PEX26: variants seen among roughly 807,000 people sequenced by gnomAD.
PEX26 encodes the protein peroxisomal biogenesis factor 26.
A neutral mutation model predicts 31.4 loss-of-function variants in PEX26; 18 were observed. That is an observed-to-expected ratio of 0.57 (90% CI 0.40 to 0.85). PEX26 has a LOEUF of 0.85. PEX26 is among the 40% of genes least tolerant of loss of function. The pLI, the probability that PEX26 is intolerant of heterozygous loss-of-function variation, is 0.00. For missense variants in PEX26, 377 were observed against 383.9 expected (o/e 0.98, Z 0.15); for synonymous variants, 176 against 166.9 (o/e 1.05, Z -0.42).
At position 18,078,167 on chromosome 22, in the gene PEX26, A is replaced by G; in HGVS notation, c.-210A>G. On this transcript the variant is annotated 5_prime_UTR_variant, in exon 1 of 5. The change abolishes the stop of an existing upstream ORF in the 5' untranslated region. Coordinates refer to ENST00000399744, the MANE Select transcript of PEX26 (RefSeq NM_001127649.3). ...CAAGAATCCTGCAAATCTGACGTGT[A>G]AACTGCTTCCCCAGCCTCCAGGCGA... 2.9e-6 allele frequency: 2 copies of G among 695,790 alleles called. No individual in the cohort carries two copies. The highest frequency in any genetic ancestry group is 5.3e-6 in the Non-Finnish European group (2 of 380,892). The allele number at this position is 695,790 out of a possible 1,614,324, so 43.1% of individuals were successfully genotyped here.
intron 2 of PEX26, among the ~76,000 whole-genome samples, chr22:18,081,156 TA>T (rs1267726577): frequency 0.02 from 2 of 102 alleles, no homozygotes; most frequent in African/African-American, 0.025. Flanking sequence ...TTCCATTATA[TA>T]TATATATATA....
chr22:18,104,197 A>G lies in PEX26; in HGVS notation c.*16122A>G, dbSNP rs1199713591. The G allele has an allele frequency of 2.6e-5, 4 of 152,130 alleles. No homozygotes were observed. Among genetic ancestry groups the G allele is most frequent in the Admixed American group, 2.6e-4 (4 of 15,238 alleles). 9.4% of individuals were successfully genotyped at this position (152,130 alleles called of 1,614,324 possible). ...CTTCATCTTTCCTAGTCTATCCCAC[A>G]CAGACCTTTAGGTGCTCTTTTTTTT... On this transcript the variant is annotated 3_prime_UTR_variant, in exon 5 of 5. Transcript: ENST00000399744.
In PEX26 at chr22:18,089,995, C is replaced by T. The variant is rs948443552; in HGVS notation, c.*1920C>T. ...GGGATTACAGGTGTGAGCCATCGCG[C>T]CCGGCCAACTTTTCTTTAGAAAAAT... is the stretch of plus-strand genomic sequence containing the variant. On this transcript the variant is annotated 3_prime_UTR_variant, in exon 5 of 5. Coordinates refer to ENST00000399744, the MANE Select transcript of PEX26 (RefSeq NM_001127649.3). 11 of 152,194 alleles carry T rather than the reference C, an allele frequency of 7.2e-5. No homozygotes were observed. Among genetic ancestry groups the T allele is most frequent in the Admixed American group, 6.5e-4 (10 of 15,272 alleles). 9.4% of individuals were successfully genotyped at this position (152,194 alleles called of 1,614,324 possible). A position where few individuals can be genotyped will look rare whatever the true frequency, so the allele number is the denominator to read the frequency against.
chr22:18,097,229 A>G lies in PEX26; in HGVS notation c.*9154A>G, dbSNP rs1016402047. 4 of 150,272 alleles carry G rather than the reference A, an allele frequency of 2.7e-5. No individual in the cohort carries two copies. Among genetic ancestry groups the G allele is most frequent in the Admixed American group, 1.3e-4 (2 of 15,074 alleles). The allele number at this position is 150,272 out of a possible 1,614,324, so 9.3% of individuals were successfully genotyped here. A position where few individuals can be genotyped will look rare whatever the true frequency, so the allele number is the denominator to read the frequency against. On this transcript the variant is annotated 3_prime_UTR_variant, in exon 5 of 5. Coordinates refer to ENST00000399744, the MANE Select transcript of PEX26 (RefSeq NM_001127649.3). ...TCCCATCTCTTCATTTAGCAAGTTC[A>G]CCTACCCCAATGGCAGCTATGGCCG...
At chr22:18,084,284 G>A (rs553040033) in intron 3 of PEX26, among the ~76,000 whole-genome samples, 64 of 132,348 alleles carry the variant, frequency 4.8e-4, no homozygotes, top group African/African-American at 1.7e-3. Context: ...TCGCTCTGTC[G>A]CCCAAGCGGG....
chr22:18,078,109 C>T lies in PEX26; in HGVS notation c.-268C>T, dbSNP rs938391960. 3.2e-6 allele frequency: 2 copies of T among 628,846 alleles called. No homozygotes were observed. Among genetic ancestry groups the T allele is most frequent in the Non-Finnish European group, 5.9e-6 (2 of 338,538 alleles). 39.0% of individuals were successfully genotyped at this position (628,846 alleles called of 1,614,324 possible). On this transcript the variant is annotated 5_prime_UTR_variant, in exon 1 of 5. Transcript: ENST00000399744. ...GGCAGTTCCTGCACGTGTCGCGGGGCCGGAGAAGCTAGGGCCAGGTATTCC... is the reference window on the plus strand; with the variant it reads ...GGCAGTTCCTGCACGTGTCGCGGGGTCGGAGAAGCTAGGGCCAGGTATTCC...
chr22:18,082,469 TC>T (rs1045068896), intron 2 of PEX26, among the ~76,000 whole-genome samples: 1 of 152,224 alleles, frequency 6.6e-6, no homozygotes, highest in Non-Finnish European at 1.5e-5. Flanking sequence ...GACTGTCTTT[TC>T]CCCTGTGTGT....
At position 18,089,965 on chromosome 22, in the gene PEX26, G is replaced by A. The variant is rs1303004655; in HGVS notation, c.*1890G>A. On this transcript the variant is annotated 3_prime_UTR_variant, in exon 5 of 5. Coordinates refer to ENST00000399744, the MANE Select transcript of PEX26 (RefSeq NM_001127649.3). ...GATCCACCCACCTAGGCCTCCCAAA[G>A]TGCTGGGATTACAGGTGTGAGCCAT... The A allele has an allele frequency of 6.6e-6, 1 of 152,206 alleles. No individual in the cohort carries two copies. Among genetic ancestry groups the A allele is most frequent in the Non-Finnish European group, 1.5e-5 (1 of 68,070 alleles). The allele number at this position is 152,206 out of a possible 1,614,324, so 9.4% of individuals were successfully genotyped here.
rs920093160 is a variant in PEX26, at chr22:18,087,843, C to A, written c.815-129C>A. On this transcript the variant is annotated intron_variant, in intron 4 of 4. Transcript: ENST00000399744. ...TCTAGCCTAGGTGACAGAGCGAGACCCTGTCTCTAAAAAAAACAAAACAAA... is the reference window on the plus strand; with the variant it reads ...TCTAGCCTAGGTGACAGAGCGAGACACTGTCTCTAAAAAAAACAAAACAAA... The A allele has an allele frequency of 2.3e-5, 18 of 767,652 alleles. No homozygotes were observed. In the African/African-American group the frequency reaches 3.0e-4, roughly 13 times the overall value. The allele number at this position is 767,652 out of a possible 1,614,324, so 47.6% of individuals were successfully genotyped here.
intron 2 of PEX26, among the ~76,000 whole-genome samples, chr22:18,080,422 C>T (rs568297854): frequency 4.6e-5 from 7 of 152,308 alleles, no homozygotes; most frequent in East Asian, 1.9e-4. Context: ...CTCCACCTCC[C>T]GGGTTCACAC....
At chr22:18,078,761 T>A (rs1451028680) in intron 1 of PEX26, 155 bp downstream of exon 1, 1 of 755,702 alleles carries the variant, frequency 1.3e-6, no homozygotes, top group African/African-American at 1.7e-5. Flanking sequence ...GCTCATCGTG[T>A]GCCCATTCTA....
rs1181004992 is a variant in PEX26 at position 18,086,502 on chromosome 22, T to G, written c.814+1244T>G. On this transcript the variant is annotated intron_variant, in intron 4 of 4. Coordinates refer to ENST00000399744, the MANE Select transcript of PEX26 (RefSeq NM_001127649.3). ...CCCCTAAGTAATTTAACAACCCCTA[T>G]TATTGAACATTTGGGTGATTATTCT... is the stretch of plus-strand genomic sequence containing the variant. 5.9e-5 allele frequency among the ~76,000 whole-genome samples: 9 copies of G among 152,186 alleles called. No individual in the cohort carries two copies. In the East Asian group the frequency reaches 1.7e-3, roughly 29 times the overall value.
In PEX26 at chr22:18,088,154, G is replaced by C. The variant is rs1569189776; in HGVS notation, c.*79G>C. ...AGAGCGACAGAGCGACACATCCACA[G>C]GCGCCCCTGGGGAAATGGGACCAGC... On this transcript the variant is annotated 3_prime_UTR_variant, in exon 5 of 5. Transcript: ENST00000399744. This position sits in a 1 kb window ranked among gnomAD's most constrained non-coding sequence, Gnocchi z 4.1. 1.0e-6 allele frequency: 1 copy of C among 957,218 alleles called. No homozygotes were observed. 59.3% of individuals were successfully genotyped at this position (957,218 alleles called of 1,614,324 possible).
rs1246488240 is a variant in PEX26 at position 18,096,766 on chromosome 22, C to T, written c.*8691C>T. On this transcript the variant is annotated 3_prime_UTR_variant, in exon 5 of 5. Transcript: ENST00000399744. ...AGCCTTTTTATATATTCATTTCAGA[C>T]CATGTTTAATTTTCTAAATATGCAA... 3 of 152,214 alleles carry T rather than the reference C, an allele frequency of 2.0e-5. No individual in the cohort carries two copies. The highest frequency in any genetic ancestry group is 7.2e-5 in the African/African-American group (3 of 41,510). 9.4% of individuals were successfully genotyped at this position (152,214 alleles called of 1,614,324 possible). A position where few individuals can be genotyped will look rare whatever the true frequency, so the allele number is the denominator to read the frequency against.
At chr22:18,079,062 C>A (rs995937221) in intron 1 of PEX26, 1 of 201,930 alleles carries the variant, frequency 5.0e-6, no homozygotes, top group Non-Finnish European at 8.8e-6. Flanking sequence ...GGGCCGGGAG[C>A]TGGGGCTTAC....
At position 18,097,527 on chromosome 22, in the gene PEX26, T is replaced by C. The variant is rs1927332905; in HGVS notation, c.*9452T>C. 1 of 152,176 alleles carries C rather than the reference T, an allele frequency of 6.6e-6. No homozygotes were observed. The highest frequency in any genetic ancestry group is 6.6e-5 in the Admixed American group (1 of 15,260). The allele number at this position is 152,176 out of a possible 1,614,324, so 9.4% of individuals were successfully genotyped here. On this transcript the variant is annotated 3_prime_UTR_variant, in exon 5 of 5. Coordinates refer to ENST00000399744, the MANE Select transcript of PEX26 (RefSeq NM_001127649.3). ...ATCCACTTGCCTCGGTCTCCCAAAGTGCTGGGATTACAGGCATGAGCCACC... is the reference window on the plus strand; with the variant it reads ...ATCCACTTGCCTCGGTCTCCCAAAGCGCTGGGATTACAGGCATGAGCCACC...
intron 2 of PEX26, among the ~76,000 whole-genome samples, chr22:18,082,416 C>T (rs1926652686): frequency 6.6e-6 from 1 of 152,090 alleles, no homozygotes; most frequent in African/African-American, 2.4e-5. Context: ...GTCTGGTCTC[C>T]TGCATATGGA....
chr22:18,088,574 T>G lies in PEX26; in HGVS notation c.*499T>G. The G allele has an allele frequency of 4.4e-6, 1 of 229,368 alleles. No homozygotes were observed. Among genetic ancestry groups the G allele is most frequent in the East Asian group, 1.0e-4 (1 of 9,680 alleles). The allele number at this position is 229,368 out of a possible 1,614,324, so 14.2% of individuals were successfully genotyped here. ...TGGGTGGATCACTTGTGGCCAGGAG[T>G]TCAAAACCTGCCTGGCCAACATGGT... On this transcript the variant is annotated 3_prime_UTR_variant, in exon 5 of 5. Coordinates refer to ENST00000399744, the MANE Select transcript of PEX26 (RefSeq NM_001127649.3). The surrounding 1 kb of genome is among the most constrained non-coding windows in gnomAD (Gnocchi z 4.1).
rs138340258 is a variant in PEX26 at position 18,078,891 on chromosome 22, T to C, written c.230+285T>C. On this transcript the variant is annotated intron_variant, in intron 1 of 4. Transcript: ENST00000399744. ...TGAATGTGTATTAAGTGCTAAGTTC[T>C]GTCAGTAAGCAGGTGGTAAAAGTCC... is the stretch of plus-strand genomic sequence containing the variant. The C allele has an allele frequency of 4.2e-3, 2,498 of 594,032 alleles. 14 individuals are homozygous for C. The highest frequency in any genetic ancestry group is 6.3e-3 in the South Asian group (371 of 58,438). The allele number at this position is 594,032 out of a possible 1,614,324, so 36.8% of individuals were successfully genotyped here.
Sources: allele counts gnomAD v4.1 joint callset (sites outside exome capture counted in the v4.1 genomes callset), GRCh38; gene constraint gnomAD v4.1.1; non-coding constraint Gnocchi (gnomAD v3.1); transcripts MANE v1.5; gene names NCBI Gene and HGNC (gene_info 2026-07-23, HGNC 2026-07-21).